CCDC102B: variants seen among roughly 807,000 people sequenced by gnomAD.
CCDC102B encodes coiled-coil domain-containing protein 102B.
Under a neutral mutation model 57.4 loss-of-function variants are expected in CCDC102B, and 75 were observed. The observed-to-expected ratio is 1.31, with a 90% CI of 1.08 to 1.58. CCDC102B has a LOEUF of 1.58. Ranked by LOEUF, CCDC102B falls within the 40% of genes most tolerant of loss-of-function variation. The probability of loss-of-function intolerance (pLI) is 0.00; values close to 1 mark genes in which losing one functional copy is unlikely to be tolerated. For missense variants in CCDC102B, 636 were observed against 582.6 expected (o/e 1.09, Z -0.94); for synonymous variants, 206 against 201.9 (o/e 1.02, Z -0.17).
At chr18:68,757,937 T>G (rs530290633) in intron 2 of CCDC102B, among the ~76,000 whole-genome samples, 1 of 152,154 alleles carries the variant, frequency 6.6e-6, no homozygotes, top group South Asian at 2.1e-4. Flanking sequence ...ATCAAGATGG[T>G]TAGAATTAAT....
At chr18:68,725,065 C>T (rs532039191) in intron 2 of CCDC102B, among the ~76,000 whole-genome samples, 5 of 152,228 alleles carry the variant, frequency 3.3e-5, no homozygotes, top group East Asian at 1.9e-4. Context: ...GAAGCGGTGC[C>T]GAGTGAAGAG....
At chr18:68,952,548 C>T (rs1002334211) in intron 6 of CCDC102B, among the ~76,000 whole-genome samples, 2 of 152,028 alleles carry the variant, frequency 1.3e-5, no homozygotes, top group Non-Finnish European at 2.9e-5. Context: ...AGATGATCTG[C>T]CCTCACCCCT....
chr18:68,842,380 TA>T (rs2037672678), intron 3 of CCDC102B, among the ~76,000 whole-genome samples: 1 of 152,138 alleles, frequency 6.6e-6, no homozygotes, highest in South Asian at 2.1e-4. Context: ...AATAAACCTT[TA>T]CCATTTTTTG....
At chr18:68,720,758 T>C (rs944862256) in intron 2 of CCDC102B, among the ~76,000 whole-genome samples, 2 of 152,112 alleles carry the variant, frequency 1.3e-5, no homozygotes, top group African/African-American at 4.8e-5. Context: ...ACAGTTGACG[T>C]TGGAAATGGG....
At position 68,897,502 on chromosome 18, in the gene CCDC102B, C is replaced by A. The variant is rs527997222; in HGVS notation, c.1263+74C>A. ...TGCCTACGCAGAGTCTGTCTTCACT[C>A]GTACACGCCTCCACATTTGGATATT... is the stretch of plus-strand genomic sequence containing the variant. On this transcript the variant is annotated intron_variant, in intron 6 of 7. Transcript: ENST00000360242. 2.6e-6 allele frequency: 4 copies of A among 1,552,972 alleles called. No homozygotes were observed. The East Asian group carries it at 9.0e-5, about 35-fold the overall frequency.
chr18:68,734,292 G>A (rs2033028532), intron 2 of CCDC102B, among the ~76,000 whole-genome samples: 1 of 152,192 alleles, frequency 6.6e-6, no homozygotes, highest in Non-Finnish European at 1.5e-5. Context: ...AAGACAAATA[G>A]TTAAGAAGTG....
chr18:69,021,269 G>T (rs1189385050), intron 7 of CCDC102B, among the ~76,000 whole-genome samples: 1 of 152,096 alleles, frequency 6.6e-6, no homozygotes. Flanking sequence ...TCATTAATTT[G>T]CACCCTGCTG....
chr18:69,034,798 C>T (rs1383164983), intron 7 of CCDC102B, among the ~76,000 whole-genome samples: 1 of 151,438 alleles, frequency 6.6e-6, no homozygotes, highest in East Asian at 1.9e-4. Context: ...TACACACATA[C>T]ATATTTATAT....
intron 2 of CCDC102B, among the ~76,000 whole-genome samples, chr18:68,746,056 C>G (rs1312717498): frequency 6.6e-6 from 1 of 152,138 alleles, no homozygotes; most frequent in Non-Finnish European, 1.5e-5. Context: ...TTCATCCAAC[C>G]ACAGACAGAG....
chr18:68,970,502 TTCA>T (rs1477581843), intron 6 of CCDC102B, among the ~76,000 whole-genome samples: 6 of 152,026 alleles, frequency 3.9e-5, no homozygotes, highest in Non-Finnish European at 1.5e-5. Flanking sequence ...ATGTAAAGTC[TTCA>T]TCATTTGATT....
intron 5 of CCDC102B, among the ~76,000 whole-genome samples, chr18:68,878,668 C>G (rs2039550570): frequency 6.6e-6 from 1 of 152,182 alleles, no homozygotes; most frequent in Non-Finnish European, 1.5e-5. Context: ...ACAAAATCTA[C>G]TGGCAACTTA....
chr18:68,774,843 ATAT>A (rs1170809626), intron 2 of CCDC102B, among the ~76,000 whole-genome samples: 4 of 151,708 alleles, frequency 2.6e-5, no homozygotes, highest in African/African-American at 9.7e-5. Flanking sequence ...TCATTTTAAA[ATAT>A]TATCATTTAC....
chr18:69,055,034 T>C lies in CCDC102B; in HGVS notation c.*897T>C, dbSNP rs1360116422. The C allele has an allele frequency of 2.0e-6, 2 of 982,750 alleles. No homozygotes were observed. The highest frequency in any genetic ancestry group is 2.4e-6 in the Non-Finnish European group (2 of 827,626). 60.9% of individuals were successfully genotyped at this position (982,750 alleles called of 1,614,324 possible). A position where few individuals can be genotyped will look rare whatever the true frequency, so the allele number is the denominator to read the frequency against. On this transcript the variant is annotated 3_prime_UTR_variant, in exon 8 of 8. Transcript: ENST00000360242. ...GTTATTTTGAACAAAAAGACACTTA[T>C]AATTTTCCATACCTATTTTCAACTG...
At chr18:69,035,024 A>C (rs962829042) in intron 7 of CCDC102B, among the ~76,000 whole-genome samples, 1 of 151,940 alleles carries the variant, frequency 6.6e-6, no homozygotes, top group African/African-American at 2.4e-5. Context: ...AATTATACTA[A>C]TTTATTTATA....
chr18:68,852,923 G>A (rs1234130700), intron 4 of CCDC102B, among the ~76,000 whole-genome samples: 2 of 152,034 alleles, frequency 1.3e-5, no homozygotes, highest in Admixed American at 6.6e-5. Flanking sequence ...TTCTTACCCA[G>A]GCCTCTAACA....
At chr18:68,877,832 T>C (rs926798297) in intron 5 of CCDC102B, among the ~76,000 whole-genome samples, 3 of 152,118 alleles carry the variant, frequency 2.0e-5, no homozygotes, top group South Asian at 2.1e-4. Flanking sequence ...AATATGAGTA[T>C]GGCATAAAAA....
At chr18:68,869,103 A>AG (rs1568300783) in intron 4 of CCDC102B, among the ~76,000 whole-genome samples, 1 of 152,146 alleles carries the variant, frequency 6.6e-6, no homozygotes, top group African/African-American at 2.4e-5. Context: ...GAAAAATGTA[A>AG]GGGAAAAAGA....
intron 7 of CCDC102B, among the ~76,000 whole-genome samples, chr18:69,044,235 T>A (rs1441048510): frequency 6.6e-6 from 1 of 152,158 alleles, no homozygotes; most frequent in African/African-American, 2.4e-5. Context: ...TCTGTCTGGT[T>A]CAAATGCTAA....
chr18:68,739,429 C>T (rs1039502736), intron 2 of CCDC102B, among the ~76,000 whole-genome samples: 5 of 152,176 alleles, frequency 3.3e-5, no homozygotes, highest in African/African-American at 7.2e-5. Context: ...ATGCCATAGG[C>T]GTGAGCTTAG....
Sources: allele counts gnomAD v4.1 joint callset (sites outside exome capture counted in the v4.1 genomes callset), GRCh38; gene constraint gnomAD v4.1.1; transcripts MANE v1.5; gene names NCBI Gene and HGNC (gene_info 2026-07-23, HGNC 2026-07-21).